The following ZNF737 variants were observed in gnomAD, a reference collection of about 807,000 sequenced individuals.
ZNF737 encodes zinc finger protein 102 (Y3).
Under a neutral mutation model 11.7 loss-of-function variants are expected in ZNF737, and 13 were observed. The observed-to-expected ratio is 1.11, with a 90% CI of 0.73 to 1.77. The LOEUF (loss-of-function observed/expected upper bound fraction) is 1.77, where lower values mean the gene tolerates loss of function less well. Ranked by LOEUF, ZNF737 falls within the 40% of genes most tolerant of loss-of-function variation. ZNF737 has a pLI of 0.00. For missense variants in ZNF737, 636 were observed against 638.0 expected (o/e 1.00, Z 0.03); for synonymous variants, 217 against 216.2 (o/e 1.00, Z -0.03).
chr19:20,553,657 GAA>G (rs1378538180), intron 2 of ZNF737, 50 bp downstream of exon 2: 1 of 1,544,884 alleles, frequency 6.5e-7, no homozygotes, highest in Non-Finnish European at 8.8e-7. Flanking sequence ...ACAAGAGAGA[GAA>G]ATAAAGTCTT....
At chr19:20,531,631 A>AT (rs1214719506), downstream of ZNF737, among the ~76,000 whole-genome samples, 4 of 149,372 alleles carry the variant, frequency 2.7e-5, no homozygotes, top group Non-Finnish European at 4.4e-5. Context: ...AATTTCTTGT[A>AT]TTTTTTAGTA....
intron 3 of ZNF737, among the ~76,000 whole-genome samples, chr19:20,547,380 C>CAAAAA (rs1209880969): frequency 9.2e-5 from 6 of 65,024 alleles, no homozygotes; most frequent in African/African-American, 1.9e-4. Flanking sequence ...GACTCCGTCT[C>CAAAAA]AAAAAAAAAA....
chr19:20,541,046 G>A lies in ZNF737; in HGVS notation c.*3546C>T, dbSNP rs1469106648. On this transcript the variant is annotated 3_prime_UTR_variant, in exon 4 of 4. Coordinates refer to ENST00000427401, the MANE Select transcript of ZNF737 (RefSeq NM_001159293.2). ...ATTGTACTCAAGAGAGTTGTTTCTG[G>A]AGACAAAGTTGCCTGTGCTTTAATA... 1 of 985,228 alleles carries A rather than the reference G, an allele frequency of 1.0e-6. No individual in the cohort carries two copies. Among genetic ancestry groups the A allele is most frequent in the East Asian group, 1.1e-4 (1 of 8,790 alleles). 61.0% of individuals were successfully genotyped at this position (985,228 alleles called of 1,614,324 possible).
At chr19:20,549,550 C>A (rs1443111558) in intron 3 of ZNF737, among the ~76,000 whole-genome samples, 1 of 151,906 alleles carries the variant, frequency 6.6e-6, no homozygotes, top group African/African-American at 2.4e-5. Flanking sequence ...ATCACTTGAA[C>A]CTCGGAGGGG....
rs145907252 is a variant in ZNF737, at chr19:20,557,449, C to T, written c.4-3614G>A. Among the ~76,000 whole-genome samples the T allele has an allele frequency of 3.3e-3, 480 of 147,076 alleles. 3 individuals carry two copies. Among genetic ancestry groups the T allele is most frequent in the African/African-American group, 0.011 (447 of 39,580 alleles). ...ATGTAAAATTCTGCTCTCTATGTCA[C>T]TGCAGTACTACCAGTTTTGTTTTTT... On this transcript the variant is annotated intron_variant, in intron 1 of 3. Coordinates refer to ENST00000427401, the MANE Select transcript of ZNF737 (RefSeq NM_001159293.2).
intron 3 of ZNF737, among the ~76,000 whole-genome samples, chr19:20,550,906 A>C (rs782116799): frequency 1.5e-4 from 23 of 152,188 alleles, no homozygotes; most frequent in Non-Finnish European, 2.9e-5. Context: ...GGTTTACCCA[A>C]GTTGGTCCCA....
At position 20,542,186 on chromosome 19, in the gene ZNF737, C is replaced by T. The variant is rs1968233142; in HGVS notation, c.*2406G>A. The T allele has an allele frequency of 4.1e-6, 4 of 984,462 alleles. No individual in the cohort carries two copies. The highest frequency in any genetic ancestry group is 9.4e-5 in the South Asian group (2 of 21,258). 61.0% of individuals were successfully genotyped at this position (984,462 alleles called of 1,614,324 possible). On this transcript the variant is annotated 3_prime_UTR_variant, in exon 4 of 4. Coordinates refer to ENST00000427401, the MANE Select transcript of ZNF737 (RefSeq NM_001159293.2). ...GTTCATTAAACGCACGGTAGTCTTA[C>T]CATGGTAAAAATAAAATAAAATTAA...
chr19:20,537,593 T>G (rs565916129), downstream of ZNF737, among the ~76,000 whole-genome samples: 21 of 140,140 alleles, frequency 1.5e-4, no homozygotes, highest in Non-Finnish European at 3.0e-4. Context: ...CTCGGCTCAC[T>G]GCAGTCTCTT....
Position 20,539,051 on chromosome 19 carries a change from T to TG in ZNF737, c.*5540_*5541insC. 4.3e-6 allele frequency: 4 copies of TG among 937,988 alleles called. No homozygotes were observed. The highest frequency in any genetic ancestry group is 5.1e-6 in the Non-Finnish European group (4 of 786,838). 58.1% of individuals were successfully genotyped at this position (937,988 alleles called of 1,614,324 possible). A position where few individuals can be genotyped will look rare whatever the true frequency, so the allele number is the denominator to read the frequency against. On this transcript the variant is annotated 3_prime_UTR_variant, in exon 4 of 4. Transcript: ENST00000427401. ...TGGCTCATGCCTGTAATCCCAGCACTCTGGGAGGCTGAGGTGGATGGATCA... is the reference window on the plus strand; with the variant it reads ...TGGCTCATGCCTGTAATCCCAGCACTGCTGGGAGGCTGAGGTGGATGGATCA...
chr19:20,564,985 A>C (rs1555763443), intron 1 of ZNF737, among the ~76,000 whole-genome samples: 2 of 142,788 alleles, frequency 1.4e-5, no homozygotes, highest in African/African-American at 5.3e-5. Flanking sequence ...CGCAGGCTGG[A>C]GTGCAGTGGC....
At chr19:20,548,943 T>C (rs1354577905) in intron 3 of ZNF737, among the ~76,000 whole-genome samples, 1 of 117,970 alleles carries the variant, frequency 8.5e-6, no homozygotes, top group East Asian at 2.3e-4. Flanking sequence ...TTTTAAGCAA[T>C]TTTTTTTAAA....
chr19:20,536,983 G>T (rs190241960), downstream of ZNF737, among the ~76,000 whole-genome samples: 1 of 151,166 alleles, frequency 6.6e-6, no homozygotes, highest in East Asian at 2.0e-4. Context: ...GGTGCCTGTA[G>T]TCCCAGCTAC....
chr19:20,565,508 TG>T, intron 1 of ZNF737, 129 bp downstream of exon 1: 1 of 1,509,792 alleles, frequency 6.6e-7, no homozygotes, highest in Non-Finnish European at 9.2e-7. Context: ...GAGGCCGAGC[TG>T]GGCAAGGAGA....
At position 20,539,262 on chromosome 19, in the gene ZNF737, CGT is replaced by C. The variant is rs1387182953; in HGVS notation, c.*5328_*5329del. On this transcript the variant is annotated 3_prime_UTR_variant, in exon 4 of 4. Coordinates refer to ENST00000427401, the MANE Select transcript of ZNF737 (RefSeq NM_001159293.2). ...CTGAGCACGTACCATTGCAGTGCAG[CGT>C]GAGTGACAGAGTGAGAATCCTTCTA... 3 of 941,908 alleles carry C rather than the reference CGT, an allele frequency of 3.2e-6. No homozygotes were observed. In the African/African-American group the frequency reaches 5.4e-5, roughly 17 times the overall value. The allele number at this position is 941,908 out of a possible 1,614,324, so 58.3% of individuals were successfully genotyped here. A position where few individuals can be genotyped will look rare whatever the true frequency, so the allele number is the denominator to read the frequency against.
At position 20,538,806 on chromosome 19, in the gene ZNF737, C is replaced by A. The variant is rs560862159; in HGVS notation, c.*5786G>T. The A allele has an allele frequency of 1.0e-6, 1 of 985,230 alleles. No homozygotes were observed. Among genetic ancestry groups the A allele is most frequent in the Non-Finnish European group, 1.2e-6 (1 of 829,910 alleles). The allele number at this position is 985,230 out of a possible 1,614,324, so 61.0% of individuals were successfully genotyped here. A position where few individuals can be genotyped will look rare whatever the true frequency, so the allele number is the denominator to read the frequency against. The stretch of plus-strand genomic sequence containing the variant: ...TGTTATTTGCATAGCTAGATAATTA[C>A]CAACTTTAGTCATACTATTTTTTAG... On this transcript the variant is annotated 3_prime_UTR_variant, in exon 4 of 4. Coordinates refer to ENST00000427401, the MANE Select transcript of ZNF737 (RefSeq NM_001159293.2).
At position 20,540,201 on chromosome 19, in the gene ZNF737, T is replaced by G. The variant is rs11879462; in HGVS notation, c.*4391A>C. ...CAACATGTTCTACCTAGAAGTCACT[T>G]ACTTTCAGGCCAGCAGGGGTGTTTT... On this transcript the variant is annotated 3_prime_UTR_variant, in exon 4 of 4. Coordinates refer to ENST00000427401, the MANE Select transcript of ZNF737 (RefSeq NM_001159293.2). 3.8e-3 allele frequency: 3,736 copies of G among 975,986 alleles called. 116 individuals carry two copies. The African/African-American group carries it at 0.06, about 16-fold the overall frequency. 60.5% of individuals were successfully genotyped at this position (975,986 alleles called of 1,614,324 possible). A position where few individuals can be genotyped will look rare whatever the true frequency, so the allele number is the denominator to read the frequency against.
Position 20,544,167 on chromosome 19 carries a change from A to G in ZNF737, c.*425T>C. 1 of 1,009,026 alleles carries G rather than the reference A, an allele frequency of 9.9e-7. No individual in the cohort carries two copies. The highest frequency in any genetic ancestry group is 1.2e-6 in the Non-Finnish European group (1 of 844,524). The allele number at this position is 1,009,026 out of a possible 1,614,324, so 62.5% of individuals were successfully genotyped here. ...TTGAAAACTTGTTATAGGATTTGCC[A>G]CATTCCTCAAACTTGTAGGATTTTT... On this transcript the variant is annotated 3_prime_UTR_variant, in exon 4 of 4. Coordinates refer to ENST00000427401, the MANE Select transcript of ZNF737 (RefSeq NM_001159293.2).
At position 20,539,633 on chromosome 19, in the gene ZNF737, C is replaced by G. The variant is rs1310170125; in HGVS notation, c.*4959G>C. ...CATATTAATGTGTTTACAGTTTAAT[C>G]TTGTATTACAGTATAGTAGAATCCT... On this transcript the variant is annotated 3_prime_UTR_variant, in exon 4 of 4. Coordinates refer to ENST00000427401, the MANE Select transcript of ZNF737 (RefSeq NM_001159293.2). The G allele has an allele frequency of 2.1e-5, 20 of 942,762 alleles. No homozygotes were observed. The highest frequency in any genetic ancestry group is 5.4e-4 in the Middle Eastern group (1 of 1,836). The allele number at this position is 942,762 out of a possible 1,614,324, so 58.4% of individuals were successfully genotyped here. A position where few individuals can be genotyped will look rare whatever the true frequency, so the allele number is the denominator to read the frequency against.
In ZNF737 at chr19:20,565,716, C is replaced by G; in HGVS notation, c.-76G>C. On this transcript the variant is annotated 5_prime_UTR_variant, in exon 1 of 4. Transcript: ENST00000427401. ...CCTGCAGGACACAGGGCCACAGAGG[C>G]TGGGCCTCTAGGAGCAGAGGACACA... The G allele has an allele frequency of 6.2e-7, 1 of 1,606,246 alleles. No homozygotes were observed. The highest frequency in any genetic ancestry group is 8.5e-7 in the Non-Finnish European group (1 of 1,172,994).
Sources: gnomAD v4.1 joint callset for allele counts (sites outside exome capture counted in the v4.1 genomes callset) on GRCh38, gnomAD v4.1.1 for gene constraint, MANE v1.5 for transcripts, NCBI Gene and HGNC (gene_info 2026-07-23, HGNC 2026-07-21) for gene names.